Variants in DAB2IP observed in about 807,000 individuals in gnomAD.
The protein encoded by DAB2IP is DAB2 interacting protein, also known as disabled homolog 2-interacting protein.
Under a neutral mutation model 107.2 loss-of-function variants are expected in DAB2IP, and 28 were observed. The ratio of observed to expected loss-of-function variants is 0.26; its 90% CI spans 0.19 to 0.36. The LOEUF is 0.36. DAB2IP is among the 10% of genes least tolerant of loss of function. DAB2IP has a pLI of 1.00. For missense variants in DAB2IP, 1,400 were observed against 1,644.7 expected (o/e 0.85, Z 2.57); for synonymous variants, 755 against 706.4 (o/e 1.07, Z -1.09).
intron 1 of DAB2IP, among the ~76,000 whole-genome samples, chr9:121,657,173 C>T (rs1486144050): frequency 6.6e-6 from 1 of 151,142 alleles, no homozygotes; most frequent in East Asian, 1.9e-4. Flanking sequence ...CCAGGGCATG[C>T]GACAGGTCTC....
chr9:121,694,144 G>A (rs1159682491), intron 2 of DAB2IP, among the ~76,000 whole-genome samples: 1 of 152,164 alleles, frequency 6.6e-6, no homozygotes, highest in Non-Finnish European at 1.5e-5. Flanking sequence ...TTGAGGCCTA[G>A]TACAGTGCCT....
At position 121,702,468 on chromosome 9, in the gene DAB2IP, T is replaced by C. The variant is rs1829839810; in HGVS notation, c.362+3010T>C. Among the ~76,000 whole-genome samples the C allele has an allele frequency of 6.6e-6, 1 of 151,722 alleles. No homozygotes were observed. Among genetic ancestry groups the C allele is most frequent in the Non-Finnish European group, 1.5e-5 (1 of 67,930 alleles). On this transcript the variant is annotated intron_variant, in intron 3 of 15. Transcript: ENST00000408936. The surrounding 1 kb of genome is among the most constrained non-coding windows in gnomAD (Gnocchi z 4.5). The stretch of plus-strand genomic sequence containing the variant: ...TCTTCTGAAACGGCCTCAGGGGAGG[T>C]TGCCAGCTGGTCTCCACAGTCTCTG...
intron 1 of DAB2IP, among the ~76,000 whole-genome samples, chr9:121,626,112 G>A (rs948421103): frequency 2.0e-5 from 3 of 152,158 alleles, no homozygotes; most frequent in South Asian, 2.1e-4. Flanking sequence ...ATGATTCAAG[G>A]CAAGATGAGT....
At chr9:121,642,487 TC>T (rs1433251142) in intron 1 of DAB2IP, among the ~76,000 whole-genome samples, 18 of 126,870 alleles carry the variant, frequency 1.4e-4, no homozygotes, top group Non-Finnish European at 1.8e-4. Context: ...GGCTTTTTTT[TC>T]TTTTTTTTTT....
chr9:121,698,400 G>C lies in DAB2IP; in HGVS notation c.229-925G>C, dbSNP rs757485776. On this transcript the variant is annotated intron_variant, in intron 2 of 15. Transcript: ENST00000408936. This position sits in a 1 kb window ranked among gnomAD's most constrained non-coding sequence, Gnocchi z 4.1. The stretch of plus-strand genomic sequence containing the variant: ...TGTGTATTGAACGCCTGTCTCCTCT[G>C]TCTCTGCCATTAGACCAGGAGCTCT... 8.5e-5 allele frequency among the ~76,000 whole-genome samples: 13 copies of C among 152,194 alleles called. No individual in the cohort carries two copies. Among genetic ancestry groups the C allele is most frequent in the Non-Finnish European group, 1.5e-4 (10 of 68,040 alleles).
chr9:121,615,806 AG>A (rs1378101126), intron 1 of DAB2IP, among the ~76,000 whole-genome samples: 2 of 151,854 alleles, frequency 1.3e-5, no homozygotes, highest in Non-Finnish European at 2.9e-5. Context: ...TTATATTTTT[AG>A]TAGAGACAGG....
In DAB2IP at chr9:121,734,123, A is replaced by G. The variant is rs567252211; in HGVS notation, c.363-22890A>G. On this transcript the variant is annotated intron_variant, in intron 3 of 15. Coordinates refer to ENST00000408936, the Ensembl canonical transcript of DAB2IP. The stretch of plus-strand genomic sequence containing the variant: ...CCGGGCGCGGTGGCTCACGCCTGTA[A>G]TCCCAGCACTTTGGGAGGCCGAGGC... Among the ~76,000 whole-genome samples the G allele has an allele frequency of 2.9e-5, 4 of 140,282 alleles. No homozygotes were observed. In the East Asian group the frequency reaches 7.8e-4, roughly 27 times the overall value. 92.0% of individuals were successfully genotyped at this position (140,282 alleles called of 152,430 possible). A position where few individuals can be genotyped will look rare whatever the true frequency, so the allele number is the denominator to read the frequency against.
intron 3 of DAB2IP, among the ~76,000 whole-genome samples, chr9:121,753,924 T>A (rs1398351673): frequency 6.6e-6 from 1 of 152,022 alleles, no homozygotes; most frequent in Non-Finnish European, 1.5e-5. Context: ...GCTGCTTCCC[T>A]AGGCTGGCAA....
intron 2 of DAB2IP, among the ~76,000 whole-genome samples, chr9:121,685,060 TGA>T (rs1477666172): frequency 1.3e-5 from 2 of 152,248 alleles, no homozygotes; most frequent in South Asian, 4.2e-4. Context: ...TTCTGCTCTG[TGA>T]GTCAGTCTCC....
At chr9:121,709,166 A>C (rs1771667473) in intron 3 of DAB2IP, among the ~76,000 whole-genome samples, 1 of 152,096 alleles carries the variant, frequency 6.6e-6, no homozygotes, top group African/African-American at 2.4e-5. Flanking sequence ...CAAAAACAAA[A>C]ACAGAAACTA....
chr9:121,727,299 G>T (rs972203764), intron 3 of DAB2IP, among the ~76,000 whole-genome samples: 33 of 152,256 alleles, frequency 2.2e-4, no homozygotes, highest in African/African-American at 7.7e-4. Flanking sequence ...TCTAGCAGGT[G>T]ACTTGCTCTG....
chr9:121,743,579 C>T (rs1832507252), intron 3 of DAB2IP, among the ~76,000 whole-genome samples: 1 of 152,178 alleles, frequency 6.6e-6, no homozygotes. Flanking sequence ...TGATTAGTCC[C>T]AGCGGACAGG....
intron 1 of DAB2IP, among the ~76,000 whole-genome samples, chr9:121,658,124 T>G (rs1589464649): frequency 6.6e-6 from 1 of 152,200 alleles, no homozygotes; most frequent in African/African-American, 2.4e-5. Context: ...AACTCCCGTG[T>G]ACTGTTGAAC....
rs912268224 is a variant in DAB2IP, at chr9:121,651,962, C to T, written c.124+63C>T. 4.9e-6 allele frequency: 6 copies of T among 1,219,320 alleles called. No homozygotes were observed. The highest frequency in any genetic ancestry group is 4.1e-4 in the Middle Eastern group (2 of 4,858). The allele number at this position is 1,219,320 out of a possible 1,614,324, so 75.5% of individuals were successfully genotyped here. A position where few individuals can be genotyped will look rare whatever the true frequency, so the allele number is the denominator to read the frequency against. ...TAAGGCCACTAAGCCACCTGATGCC[C>T]TGGGATGCTAGGGACCGGGATCCTC... On this transcript the variant is annotated intron_variant, in intron 1 of 15. Coordinates refer to ENST00000408936, the Ensembl canonical transcript of DAB2IP. This position sits in a 1 kb window ranked among gnomAD's most constrained non-coding sequence, Gnocchi z 5.1.
intron 1 of DAB2IP, among the ~76,000 whole-genome samples, chr9:121,611,552 A>G (rs1831098213): frequency 1.3e-5 from 2 of 152,110 alleles, no homozygotes; most frequent in African/African-American, 2.4e-5. Flanking sequence ...GCGGATAATA[A>G]TACCTATTTT....
Position 121,776,243 on chromosome 9 carries a change from C to G in DAB2IP, c.3166C>G (p.Leu1056Val). ...CAAGCTGCGAATCTCCACCAAGAAG[C>G]TGGAGGAGTATGAGACCCTGTTCAA... The change falls in exon 14 of 16, where the codon CTG (leucine) becomes GTG (valine). Residue 1056 changes from leucine to valine, a missense_variant. Leu to Val is a conservative substitution (Grantham distance 32). This residue lies in a region of DAB2IP where 600 missense variants were observed against 659.1 expected (regional missense o/e 0.91). Coordinates refer to ENST00000408936, the Ensembl canonical transcript of DAB2IP. The surrounding 1 kb of genome is among the most constrained non-coding windows in gnomAD (Gnocchi z 5.4). 6.3e-7 allele frequency: 1 copy of G among 1,586,186 alleles called. No individual in the cohort carries two copies. Among genetic ancestry groups the G allele is most frequent in the Non-Finnish European group, 8.6e-7 (1 of 1,166,584 alleles).
Position 121,662,270 on chromosome 9 carries a change from A to G in DAB2IP, c.124+10371A>G, listed in dbSNP as rs777183392. On this transcript the variant is annotated intron_variant, in intron 1 of 15. Coordinates refer to ENST00000408936, the Ensembl canonical transcript of DAB2IP. This position sits in a 1 kb window ranked among gnomAD's most constrained non-coding sequence, Gnocchi z 4.6. ...CCTGCCTCTCTTCTCTTTTCTTTCTATCTTTCTTAGAAATAGAAATGATTC... is the reference window on the plus strand; with the variant it reads ...CCTGCCTCTCTTCTCTTTTCTTTCTGTCTTTCTTAGAAATAGAAATGATTC... Among the ~76,000 whole-genome samples the G allele has an allele frequency of 1.3e-5, 2 of 152,192 alleles. No individual in the cohort carries two copies. Among genetic ancestry groups the G allele is most frequent in the African/African-American group, 2.4e-5 (1 of 41,454 alleles).
intron 5 of DAB2IP, 145 bp downstream of exon 5, chr9:121,759,141 G>T (rs1322418238): frequency 6.6e-6 from 5 of 760,978 alleles, no homozygotes; most frequent in Non-Finnish European, 1.1e-5. Flanking sequence ...GACAATATTG[G>T]TGGACTCTGA....
At chr9:121,573,327 T>G (rs1016678533) in intron 1 of DAB2IP, among the ~76,000 whole-genome samples, 4 of 152,128 alleles carry the variant, frequency 2.6e-5, no homozygotes, top group Non-Finnish European at 5.9e-5. Context: ...TCCACCCGCC[T>G]TGGCCTCCCA....
Sources: gnomAD v4.1 joint callset for allele counts (sites outside exome capture counted in the v4.1 genomes callset) on GRCh38, gnomAD v4.1.1 for gene constraint, gnomAD v4.1.1 regional missense constraint, Gnocchi (gnomAD v3.1) non-coding constraint, MANE v1.5 for transcripts, NCBI Gene and HGNC (gene_info 2026-07-23, HGNC 2026-07-21) for gene names.